The following DPP6 variants were observed in gnomAD, a reference collection of about 807,000 sequenced individuals.
The protein encoded by DPP6 is A-type potassium channel modulatory protein DPP6.
DPP6 carries 69 observed loss-of-function variants against 122.6 expected under a neutral mutation model. The observed-to-expected ratio is 0.56, with a 90% CI of 0.46 to 0.69. The LOEUF is 0.69. Ranked by LOEUF, DPP6 falls within the 30% of genes least tolerant of loss-of-function variation. The pLI, the probability that DPP6 is intolerant of heterozygous loss-of-function variation, is 0.00. For synonymous variants in DPP6, 418 were observed against 433.1 expected (o/e 0.97, Z 0.43); for missense variants, 928 against 1,116.9 (o/e 0.83, Z 2.41).
chr7:154,264,705 T>C (rs1803262585), intron 1 of DPP6, among the ~76,000 whole-genome samples: 1 of 151,980 alleles, frequency 6.6e-6, no homozygotes, highest in South Asian at 2.1e-4. Flanking sequence ...ATGGTGATAA[T>C]GGTGATGATA....
intron 1 of DPP6, among the ~76,000 whole-genome samples, chr7:154,281,910 C>T (rs1428583221): frequency 1.3e-5 from 2 of 152,108 alleles, no homozygotes; most frequent in Admixed American, 6.5e-5. Flanking sequence ...AGAGCCTCTC[C>T]CAGATGCTCA....
At chr7:154,694,223 C>T (rs1405065625) in intron 7 of DPP6, among the ~76,000 whole-genome samples, 1 of 152,152 alleles carries the variant, frequency 6.6e-6, no homozygotes, top group Non-Finnish European at 1.5e-5. Context: ...GATCATTTCC[C>T]AAAGACCTCA....
intron 8 of DPP6, among the ~76,000 whole-genome samples, chr7:154,732,663 G>T (rs1842395422): frequency 6.6e-6 from 1 of 152,166 alleles, no homozygotes; most frequent in South Asian, 2.1e-4. Context: ...TGAGAAAAGG[G>T]CCCGAAGGGT....
At chr7:153,935,461 T>A (rs1801389673) in intron 1 of DPP6, among the ~76,000 whole-genome samples, 1 of 152,172 alleles carries the variant, frequency 6.6e-6, no homozygotes, top group Non-Finnish European at 1.5e-5. Context: ...CTCCCTAACC[T>A]GCCGCACAGA....
intron 4 of DPP6, among the ~76,000 whole-genome samples, chr7:154,541,948 T>C (rs1828763529): frequency 6.6e-6 from 1 of 152,206 alleles, no homozygotes; most frequent in Non-Finnish European, 1.5e-5. Context: ...GCTTCATCTT[T>C]ACCCTACCCC....
intron 3 of DPP6, among the ~76,000 whole-genome samples, chr7:154,524,102 C>T (rs1827217129): frequency 1.3e-5 from 2 of 152,206 alleles, no homozygotes; most frequent in South Asian, 4.1e-4. Context: ...GAAGTACCAA[C>T]AAAGCAGGCA....
chr7:154,492,280 C>T (rs147114696), intron 3 of DPP6, among the ~76,000 whole-genome samples: 2 of 152,194 alleles, frequency 1.3e-5, no homozygotes, highest in Non-Finnish European at 1.5e-5. Context: ...TGCATGCAGA[C>T]GCACACCACA....
intron 1 of DPP6, among the ~76,000 whole-genome samples, chr7:154,338,886 A>G (rs931576492): frequency 2.0e-5 from 3 of 152,090 alleles, no homozygotes; most frequent in Admixed American, 1.3e-4. Flanking sequence ...GGCGGGTGGC[A>G]TTGCCCTGCC....
At chr7:154,687,536 C>T (rs71534159) in intron 7 of DPP6, among the ~76,000 whole-genome samples, 7,500 of 152,122 alleles carry the variant, frequency 0.049, 267 homozygotes, top group African/African-American at 0.098. Flanking sequence ...CCTATTTTTC[C>T]TTCGGGTTGT....
chr7:153,887,446 C>A, exon 1 of DPP6: 1 of 449,588 alleles, frequency 2.2e-6, no homozygotes, highest in East Asian at 3.4e-5. Context: ...GGCTTTTTTT[C>A]TTTCTTTCTT....
intron 2 of DPP6, among the ~76,000 whole-genome samples, chr7:154,462,515 T>C (rs1821382459): frequency 6.6e-6 from 1 of 152,154 alleles, no homozygotes; most frequent in African/African-American, 2.4e-5. Flanking sequence ...TTTTTATTTT[T>C]TATGTCTGCT....
At chr7:154,625,872 T>C (rs946322585) in intron 5 of DPP6, among the ~76,000 whole-genome samples, 16 of 152,206 alleles carry the variant, frequency 1.1e-4, no homozygotes, top group African/African-American at 3.9e-4. Context: ...AGCCAGTATA[T>C]GCAGGAGAGA....
chr7:154,758,661 T>C (rs954364254), intron 8 of DPP6, among the ~76,000 whole-genome samples: 1 of 152,206 alleles, frequency 6.6e-6, no homozygotes, highest in Non-Finnish European at 1.5e-5. Flanking sequence ...TGTGAGCCAC[T>C]GCACCTGGCC....
chr7:154,229,077 G>GT (rs1224089103), intron 1 of DPP6, among the ~76,000 whole-genome samples: 11 of 151,702 alleles, frequency 7.3e-5, no homozygotes, highest in East Asian at 3.9e-4. Context: ...TTTCTTGGGC[G>GT]TTTTTTTTCT....
chr7:154,822,332 T>C (rs1799847141), intron 16 of DPP6, among the ~76,000 whole-genome samples: 1 of 152,204 alleles, frequency 6.6e-6, no homozygotes, highest in Admixed American at 6.5e-5. Context: ...ACTCGGTGTC[T>C]GGTGAGGGCG....
At chr7:153,772,336 G>A in the DPP6 span, among the ~76,000 whole-genome samples, 6 of 152,120 alleles carry the variant, frequency 3.9e-5, no homozygotes, top group Non-Finnish European at 5.9e-5. Context: ...TGCCTGCCTT[G>A]GCCTTCCAAA....
At chr7:154,823,816 C>T (rs1448466559) in intron 16 of DPP6, among the ~76,000 whole-genome samples, 1 of 152,204 alleles carries the variant, frequency 6.6e-6, no homozygotes, top group African/African-American at 2.4e-5. Flanking sequence ...AGAGCAACTT[C>T]AGGGCCCATT....
chr7:154,526,463 C>A (rs1182191352), intron 3 of DPP6, among the ~76,000 whole-genome samples: 2 of 151,806 alleles, frequency 1.3e-5, no homozygotes, highest in East Asian at 3.9e-4. Context: ...TATTCTATAC[C>A]CACAGCATCC....
At position 154,685,444 on chromosome 7, in the gene DPP6, G is replaced by A. The variant is rs371514914; in HGVS notation, c.762+16003G>A. Among the ~76,000 whole-genome samples, 201 of 152,292 alleles carry A rather than the reference G, an allele frequency of 1.3e-3. 2 individuals are homozygous for A. The South Asian group carries it at 0.041, about 31-fold the overall frequency. On this transcript the variant is annotated intron_variant, in intron 7 of 25. Coordinates refer to ENST00000377770, the MANE Select transcript of DPP6 (RefSeq NM_130797.4). ...TCTGGTTCGTTTGGACCAGGGTGGG[G>A]CCTGGGCGTCAGGGTATTTGAAAGC... is the stretch of plus-strand genomic sequence containing the variant.
Sources: allele counts gnomAD v4.1 joint callset (sites outside exome capture counted in the v4.1 genomes callset), GRCh38; gene constraint gnomAD v4.1.1; transcripts MANE v1.5; gene names NCBI Gene and HGNC (gene_info 2026-07-23, HGNC 2026-07-21).